Variants in MSTO1 observed in about 807,000 individuals in gnomAD.
MSTO1 encodes the protein misato mitochondrial distribution and morphology regulator 1, also known as protein misato homolog 1.
A neutral mutation model predicts 55.7 loss-of-function variants in MSTO1; 24 were observed. The observed-to-expected ratio is 0.43, with a 90% CI of 0.31 to 0.61. The LOEUF is 0.61. Ranked by LOEUF, MSTO1 falls within the 20% of genes least tolerant of loss-of-function variation. The pLI, the probability that MSTO1 is intolerant of heterozygous loss-of-function variation, is 0.09. For synonymous variants in MSTO1, 162 were observed against 252.8 expected (o/e 0.64, Z 3.41); for missense variants, 363 against 625.7 (o/e 0.58, Z 4.48).
chr1:155,591,480 T>G, the MSTO1 span, among the ~76,000 whole-genome samples: 1 of 152,274 alleles, frequency 6.6e-6, no homozygotes, highest in African/African-American at 2.4e-5. Context: ...TATATAAAAC[T>G]TTAAGAACTA....
the MSTO1 span, among the ~76,000 whole-genome samples, chr1:155,571,693 G>C: frequency 6.6e-6 from 1 of 152,178 alleles, no homozygotes; most frequent in Non-Finnish European, 1.5e-5. Context: ...ATATTATTAA[G>C]ATGAGAAAAT....
At chr1:155,596,920 T>C in the MSTO1 span, among the ~76,000 whole-genome samples, 5 of 151,990 alleles carry the variant, frequency 3.3e-5, no homozygotes, top group South Asian at 8.3e-4. Flanking sequence ...CTGGGCAACA[T>C]AGCAAAACCT....
the MSTO1 span, among the ~76,000 whole-genome samples, chr1:155,567,129 T>G: frequency 2.9e-4 from 42 of 143,360 alleles, no homozygotes; most frequent in Admixed American, 8.4e-4. Flanking sequence ...TAAGAGTTGG[T>G]TTTTTTTTTT....
At chr1:155,596,375 A>G in the MSTO1 span, among the ~76,000 whole-genome samples, 4 of 152,304 alleles carry the variant, frequency 2.6e-5, no homozygotes, top group Non-Finnish European at 4.4e-5. Flanking sequence ...GATGGCAAGA[A>G]TTGTCTCTGC....
the MSTO1 span, chr1:155,590,786 G>T: frequency 1.1e-5 from 18 of 1,606,356 alleles, no homozygotes; most frequent in Non-Finnish European, 1.5e-5. Flanking sequence ...GAGGCCCCCA[G>T]CTCCCACTTT....
the MSTO1 span, among the ~76,000 whole-genome samples, chr1:155,582,234 G>A: frequency 2.6e-5 from 4 of 152,068 alleles, no homozygotes; most frequent in South Asian, 2.1e-4. Flanking sequence ...CTTACCTACC[G>A]TCCAGTTACA....
the MSTO1 span, among the ~76,000 whole-genome samples, chr1:155,577,246 G>T: frequency 2.6e-5 from 4 of 151,108 alleles, no homozygotes; most frequent in Non-Finnish European, 5.9e-5. Context: ...CTGCCACCAC[G>T]CCCGGCTAAT....
At chr1:155,611,396 T>G in intron 4 of MSTO1, 105 bp downstream of exon 4, 1 of 1,606,752 alleles carries the variant, frequency 6.2e-7, no homozygotes, top group Non-Finnish European at 8.5e-7. Context: ...CTTAGAATGA[T>G]ATTTTGGGAA....
chr1:155,605,342 G>C (rs1339704473), upstream of MSTO1, among the ~76,000 whole-genome samples: 1 of 152,108 alleles, frequency 6.6e-6, no homozygotes, highest in East Asian at 1.9e-4. Context: ...CTGCAGACAT[G>C]AAACAGTTTA....
At chr1:155,572,766 T>G in the MSTO1 span, among the ~76,000 whole-genome samples, 2 of 152,042 alleles carry the variant, frequency 1.3e-5, no homozygotes, top group Non-Finnish European at 2.9e-5. Flanking sequence ...TTCTCCCACC[T>G]CAGCCTCCCA....
the MSTO1 span, among the ~76,000 whole-genome samples, chr1:155,581,520 T>A: frequency 1.2e-4 from 18 of 151,938 alleles, no homozygotes; most frequent in Admixed American, 4.6e-4. Flanking sequence ...CAAGCAGTTC[T>A]CATGCCTCAA....
rs775849836 is a variant in MSTO1, at chr1:155,614,200, A to G, written c.1640A>G (p.Asp547Gly). Reference protein sequence around the residue: ...SFMDAGVEHDDVAELLQELQS... With the variant: ...SFMDAGVEHDGVAELLQELQS... ...ATGGATGCTGGAGTGGAGCACGATG[A>G]CGTAGCAGAGCTGCTGCAGGAGCTA... Residue 547 changes from aspartate to glycine, a missense_variant, in exon 14 of 14, where the codon GAC (aspartate) becomes GGC (glycine). By Grantham distance (94) the Asp-to-Gly change is moderately conservative. This residue lies in a region of MSTO1 where 38 missense variants were observed against 126.4 expected (regional missense o/e 0.30). Coordinates refer to ENST00000245564, the MANE Select transcript of MSTO1 (RefSeq NM_018116.4). The G allele has an allele frequency of 6.1e-6, 7 of 1,152,174 alleles. No homozygotes were observed. The highest frequency in any genetic ancestry group is 8.7e-6 in the Non-Finnish European group (7 of 804,650). 71.4% of individuals were successfully genotyped at this position (1,152,174 alleles called of 1,614,324 possible).
chr1:155,612,995 G>A lies in MSTO1; in HGVS notation c.1098+20G>A, dbSNP rs377559569. ...AAAAAGGTATGAAGCTTTGTAAGGG[G>A]TTGGGTCAGTGCTGAGAAAATGTCC... On this transcript the variant is annotated intron_variant, in intron 10 of 13. Transcript: ENST00000245564. 6.2e-7 allele frequency: 1 copy of A among 1,613,996 alleles called. No individual in the cohort carries two copies. Among genetic ancestry groups the A allele is most frequent in the African/African-American group, 1.3e-5 (1 of 75,044 alleles).
chr1:155,609,969 A>C, upstream of MSTO1: 1 of 467,054 alleles, frequency 2.1e-6, no homozygotes, highest in Non-Finnish European at 3.8e-6. Flanking sequence ...GCCCCAAGTC[A>C]GCGGCGGAGA....
chr1:155,580,609 T>C, the MSTO1 span, among the ~76,000 whole-genome samples: 9 of 152,166 alleles, frequency 5.9e-5, no homozygotes, highest in East Asian at 1.7e-3. Context: ...AATACTCTTT[T>C]TGTTGTTTGT....
At chr1:155,590,091 G>C in the MSTO1 span, among the ~76,000 whole-genome samples, 2 of 152,096 alleles carry the variant, frequency 1.3e-5, no homozygotes, top group African/African-American at 4.8e-5. Context: ...CCTGCAAGGT[G>C]GACATCCAGG....
the MSTO1 span, among the ~76,000 whole-genome samples, chr1:155,596,798 T>C: frequency 1.3e-5 from 2 of 151,362 alleles, no homozygotes; most frequent in African/African-American, 4.9e-5. Context: ...GGAGATATCT[T>C]TTCCAGCTTT....
the MSTO1 span, chr1:155,598,953 C>A: frequency 8.3e-7 from 1 of 1,198,464 alleles, no homozygotes; most frequent in South Asian, 1.3e-5. Flanking sequence ...CTGTTAGGTT[C>A]AGTTATCTTG....
intron 12 of MSTO1, 42 bp downstream of exon 12, chr1:155,613,608 C>G: frequency 6.3e-7 from 1 of 1,585,174 alleles, no homozygotes; most frequent in Non-Finnish European, 8.6e-7. Context: ...CCAACCGCAA[C>G]CCTCCCTTGA....
Sources: gnomAD v4.1 joint callset for allele counts (sites outside exome capture counted in the v4.1 genomes callset) on GRCh38, gnomAD v4.1.1 for gene constraint, gnomAD v4.1.1 regional missense constraint, MANE v1.5 for transcripts, NCBI Gene and HGNC (gene_info 2026-07-23, HGNC 2026-07-21) for gene names.